RASA2: variants seen among roughly 807,000 people sequenced by gnomAD.
The protein encoded by RASA2 is RAS p21 protein activator 2, also known as ras GTPase-activating protein 2.
Under a neutral mutation model 118.2 loss-of-function variants are expected in RASA2, and 155 were observed. The observed-to-expected ratio is 1.31, with a 90% confidence interval of 1.15 to 1.50. RASA2 has a LOEUF of 1.50. Ranked by LOEUF, RASA2 falls within the 40% of genes most tolerant of loss-of-function variation. The probability of loss-of-function intolerance (pLI) is 0.00; values close to 1 mark genes in which losing one functional copy is unlikely to be tolerated. For missense variants in RASA2, 1,016 were observed against 1,009.6 expected (o/e 1.01, Z -0.09); for synonymous variants, 353 against 349.1 (o/e 1.01, Z -0.12).
chr3:141,489,999 G>A (rs1343495962), intron 1 of RASA2, among the ~76,000 whole-genome samples: 3 of 150,940 alleles, frequency 2.0e-5, no homozygotes, highest in Non-Finnish European at 3.0e-5. Context: ...GGCTGGGGAG[G>A]AGGGAAGAAG....
intron 1 of RASA2, among the ~76,000 whole-genome samples, chr3:141,499,729 G>A (rs1036321628): frequency 2.0e-5 from 3 of 152,132 alleles, no homozygotes; most frequent in Admixed American, 1.3e-4. Context: ...CTCCCGATTA[G>A]CTGGGACTGC....
At chr3:141,580,555 T>TAAACAC in intron 16 of RASA2, 104 bp downstream of exon 16, 1 of 580,736 alleles carries the variant, frequency 1.7e-6, no homozygotes. Context: ...AAACAAAACA[T>TAAACAC]ACACACACAC....
chr3:141,584,909 G>A (rs2083175860), intron 17 of RASA2, among the ~76,000 whole-genome samples: 1 of 151,554 alleles, frequency 6.6e-6, no homozygotes, highest in African/African-American at 2.4e-5. Flanking sequence ...AACTGATTGA[G>A]CATCCCTAAT....
intron 3 of RASA2, among the ~76,000 whole-genome samples, chr3:141,520,723 C>T (rs76839703): frequency 0.13 from 19,613 of 152,076 alleles, 1,812 homozygotes; most frequent in East Asian, 0.24. Flanking sequence ...TATATACACA[C>T]GCAGATATTA....
At chr3:141,524,416 A>G (rs908818029) in intron 3 of RASA2, among the ~76,000 whole-genome samples, 58 of 152,178 alleles carry the variant, frequency 3.8e-4, no homozygotes, top group African/African-American at 1.4e-3. Flanking sequence ...GAGGCCATTA[A>G]TATACCAGTT....
intron 9 of RASA2, among the ~76,000 whole-genome samples, chr3:141,563,905 G>A (rs768496418): frequency 1.0e-4 from 15 of 150,292 alleles, no homozygotes; most frequent in Non-Finnish European, 1.5e-4. Flanking sequence ...GAATCAGAGA[G>A]TTCCCTACTC....
At chr3:141,545,425 G>A (rs2082469695) in intron 5 of RASA2, among the ~76,000 whole-genome samples, 1 of 151,362 alleles carries the variant, frequency 6.6e-6, no homozygotes, top group Admixed American at 6.6e-5. Flanking sequence ...CATGGCAGGA[G>A]CAGGAACAGG....
chr3:141,496,972 A>G (rs2081711553), intron 1 of RASA2, among the ~76,000 whole-genome samples: 1 of 152,168 alleles, frequency 6.6e-6, no homozygotes, highest in Admixed American at 6.5e-5. Flanking sequence ...ACACCATGGA[A>G]TACTATGCAG....
intron 21 of RASA2, 60 bp from the exon 22 acceptor site, chr3:141,609,360 C>G: frequency 9.3e-7 from 1 of 1,071,566 alleles, no homozygotes; most frequent in Non-Finnish European, 1.3e-6. Flanking sequence ...ATCAGAAGTC[C>G]TTGGCATGTT....
intron 17 of RASA2, among the ~76,000 whole-genome samples, chr3:141,584,112 C>A (rs1052521805): frequency 6.6e-6 from 1 of 151,972 alleles, no homozygotes; most frequent in African/African-American, 2.4e-5. Context: ...GCAGGTGGAT[C>A]ACAAGATCAG....
In RASA2 at chr3:141,580,463, C is replaced by T; in HGVS notation, c.1674+12C>T. On this transcript the variant is annotated intron_variant, in intron 16 of 23. Coordinates refer to ENST00000286364, the MANE Select transcript of RASA2 (RefSeq NM_006506.5). ...TGTCCAAAAGCAAGGTAAGTCCTTA[C>T]ATCTTTTATTTTGTTTTTACACTTC... is the stretch of plus-strand genomic sequence containing the variant. 6.4e-7 allele frequency: 1 copy of T among 1,566,718 alleles called. No individual in the cohort carries two copies. The highest frequency in any genetic ancestry group is 8.8e-7 in the Non-Finnish European group (1 of 1,142,664).
At chr3:141,496,215 C>T (rs918395775) in intron 1 of RASA2, among the ~76,000 whole-genome samples, 1 of 152,132 alleles carries the variant, frequency 6.6e-6, no homozygotes, top group Non-Finnish European at 1.5e-5. Context: ...CGTAAAAACC[C>T]TAGAAGAAAA....
At chr3:141,580,079 AAAAAAAATAT>A (rs2083080940) in intron 15 of RASA2, among the ~76,000 whole-genome samples, 2 of 101,904 alleles carry the variant, frequency 2.0e-5, no homozygotes, top group African/African-American at 7.5e-5. Flanking sequence ...GAAAAAAAAA[AAAAAAAATAT>A]ATATATATAT....
chr3:141,517,877 G>A (rs1270496195), intron 3 of RASA2, among the ~76,000 whole-genome samples: 2 of 151,788 alleles, frequency 1.3e-5, no homozygotes, highest in Non-Finnish European at 2.9e-5. Flanking sequence ...GGATGGTCTC[G>A]ATCTCCTGAC....
At chr3:141,585,310 G>A (rs1180316415) in intron 17 of RASA2, among the ~76,000 whole-genome samples, 1 of 152,152 alleles carries the variant, frequency 6.6e-6, no homozygotes, top group Non-Finnish European at 1.5e-5. Flanking sequence ...CTTACAGTAA[G>A]TAATATAAGT....
rs2083696448 is a variant in RASA2, at chr3:141,614,389, G to A, written c.*2076G>A. The stretch of plus-strand genomic sequence containing the variant: ...ATGTGAAATTAAATTATTTTTCTTT[G>A]AAAGTCTTTTGAAATAAGAGACCAT... On this transcript the variant is annotated 3_prime_UTR_variant, in exon 24 of 24. Transcript: ENST00000286364. 6.6e-6 allele frequency: 1 copy of A among 152,128 alleles called. No homozygotes were observed. Among genetic ancestry groups the A allele is most frequent in the Admixed American group, 6.6e-5 (1 of 15,266 alleles). The allele number at this position is 152,128 out of a possible 1,614,324, so 9.4% of individuals were successfully genotyped here.
chr3:141,581,012 G>C (rs2083105265), intron 16 of RASA2, 88 bp from the exon 17 acceptor site: 1 of 1,309,838 alleles, frequency 7.6e-7, no homozygotes, highest in African/African-American at 1.6e-5. Context: ...AGTCCTTTTA[G>C]GCCTTAATCC....
Position 141,571,060 on chromosome 3 carries a change from G to T in RASA2, c.1012G>T (p.Asp338Tyr). 6.3e-7 allele frequency: 1 copy of T among 1,599,396 alleles called. No individual in the cohort carries two copies. The highest frequency in any genetic ancestry group is 1.1e-5 in the South Asian group (1 of 87,416). ...PLKTLLLKSPDVQPISASAAY... is the reference protein window; with the variant it reads ...PLKTLLLKSPYVQPISASAAY... ...GAAAACTTTGCTGCTAAAATCACCAGATGTTCAAGTATGTTAAGAATCTTA... is the reference window on the plus strand; with the variant it reads ...GAAAACTTTGCTGCTAAAATCACCATATGTTCAAGTATGTTAAGAATCTTA... The change falls in exon 10 of 24, where the codon GAT (aspartate) becomes TAT (tyrosine). Residue 338 changes from aspartate (D) to tyrosine (Y), a missense_variant. By Grantham distance (160) the Asp-to-Tyr change is radical. Coordinates refer to ENST00000286364, the MANE Select transcript of RASA2 (RefSeq NM_006506.5).
At chr3:141,509,153 T>G in intron 1 of RASA2, among the ~76,000 whole-genome samples, 1 of 152,228 alleles carries the variant, frequency 6.6e-6, no homozygotes, top group Non-Finnish European at 1.5e-5. Flanking sequence ...CGGGCATTGA[T>G]TAGATGAATT....
Sources: gnomAD v4.1 joint callset for allele counts (sites outside exome capture counted in the v4.1 genomes callset) on GRCh38, gnomAD v4.1.1 for gene constraint, MANE v1.5 for transcripts, NCBI Gene and HGNC (gene_info 2026-07-23, HGNC 2026-07-21) for gene names.